CLCN6: variants seen among roughly 807,000 people sequenced by gnomAD.
CLCN6 encodes the protein H(+)/Cl(-) exchange transporter 6.
A neutral mutation model predicts 109.8 loss-of-function variants in CLCN6; 70 were observed. That is an observed-to-expected ratio of 0.64 (90% CI 0.53 to 0.78). The LOEUF (loss-of-function observed/expected upper bound fraction) is 0.78. Among genes scored for constraint, CLCN6 ranks in the 30% least tolerant of loss-of-function variants. The probability of loss-of-function intolerance (pLI) is 0.00; values close to 1 mark genes in which losing one functional copy is unlikely to be tolerated. For synonymous variants in CLCN6, 444 were observed against 447.8 expected (o/e 0.99, Z 0.11); for missense variants, 984 against 1,142.3 (o/e 0.86, Z 2.00).
chr1:11,814,945 A>AT (rs1325241255), intron 2 of CLCN6, among the ~76,000 whole-genome samples: 1 of 151,728 alleles, frequency 6.6e-6, no homozygotes, highest in Non-Finnish European at 1.5e-5. Context: ...AGGCAGGAGA[A>AT]TGGTGTGAAC....
chr1:11,831,171 GT>G (rs548829235), intron 13 of CLCN6, among the ~76,000 whole-genome samples: 757 of 51,666 alleles, frequency 0.015, 8 homozygotes, highest in African/African-American at 0.066. Flanking sequence ...TTTTGTTTTT[GT>G]TTTTGGCAAA....
At chr1:11,830,992 C>T (rs1486880010) in intron 13 of CLCN6, among the ~76,000 whole-genome samples, 2 of 151,534 alleles carry the variant, frequency 1.3e-5, no homozygotes, top group Non-Finnish European at 2.9e-5. Context: ...CACCACCATG[C>T]CCAGCTAATT....
intron 14 of CLCN6, 40 bp from the exon 15 acceptor site, chr1:11,833,837 G>A (rs958894311): frequency 1.3e-6 from 2 of 1,589,240 alleles, no homozygotes; most frequent in Non-Finnish European, 1.7e-6. Context: ...GCCTTGGCAG[G>A]CATCCGGTAG....
rs1162846281 is a variant in CLCN6 at position 11,834,489 on chromosome 1, C to G, written c.1692C>G (p.Ala564=). Residue 564 remains alanine (A), a synonymous_variant, in exon 17 of 23, where the codon GCC becomes GCG. Coordinates refer to ENST00000346436, the MANE Select transcript of CLCN6 (RefSeq NM_001286.5). This position sits in a 1 kb window ranked among gnomAD's most constrained non-coding sequence, Gnocchi z 4.5. ...GLPIMVTLMV[A]KWTGDFFNKG... is the part of the protein sequence containing the mutation. The stretch of plus-strand genomic sequence containing the variant: ...GTCTTTGCTTTGTGTTTCAGGTGGC[C>G]AAATGGACAGGGGACTTTTTCAATA... The G allele has an allele frequency of 3.7e-6, 6 of 1,614,022 alleles. No homozygotes were observed. The African/African-American group carries it at 8.0e-5, about 22-fold the overall frequency.
At chr1:11,816,760 CAT>C in intron 4 of CLCN6, 80 bp downstream of exon 4, 1 of 962,342 alleles carries the variant, frequency 1.0e-6, no homozygotes, top group Non-Finnish European at 1.6e-6. Flanking sequence ...TGGTGAATAA[CAT>C]TGTCATTTGT....
Position 11,806,209 on chromosome 1 carries a change from T to A in CLCN6, c.-54T>A, listed in dbSNP as rs1023238841. The A allele has an allele frequency of 4.4e-6, 6 of 1,378,476 alleles. No homozygotes were observed. Among genetic ancestry groups the A allele is most frequent in the Non-Finnish European group, 5.7e-6 (6 of 1,057,558 alleles). 85.4% of individuals were successfully genotyped at this position (1,378,476 alleles called of 1,614,324 possible). ...CGGGGCCAGTCACGTGAGGCGCAGA[T>A]CCTGGCTGGGAGGGGGTTGGTAGAG... On this transcript the variant is annotated 5_prime_UTR_variant, in exon 1 of 23. Coordinates refer to ENST00000346436, the MANE Select transcript of CLCN6 (RefSeq NM_001286.5).
Position 11,835,027 on chromosome 1 carries a change from CT to C in CLCN6, c.1793+438del, listed in dbSNP as rs894858813. 3.3e-5 allele frequency among the ~76,000 whole-genome samples: 5 copies of C among 152,242 alleles called. No homozygotes were observed. In the South Asian group the frequency reaches 6.2e-4, roughly 19 times the overall value. ...AACCCACCTGCTAATCCACAGGTAC[CT>C]GGGCTTCCTGTGTCTAGATAGCAGG... On this transcript the variant is annotated intron_variant, in intron 17 of 22. Transcript: ENST00000346436.
At chr1:11,808,269 G>GTGTT (rs1553189302) in intron 2 of CLCN6, among the ~76,000 whole-genome samples, 1 of 129,766 alleles carries the variant, frequency 7.7e-6, no homozygotes, top group Non-Finnish European at 1.7e-5. Flanking sequence ...GTGTGTGTGT[G>GTGTT]TTTTAAAGTA....
At chr1:11,811,671 T>C (rs116422234) in intron 2 of CLCN6, among the ~76,000 whole-genome samples, 15,046 of 152,186 alleles carry the variant, frequency 0.099, 797 homozygotes, top group South Asian at 0.16. Flanking sequence ...CGTGAGCCAC[T>C]GCGCCCAGCT....
At chr1:11,816,497 C>A in intron 3 of CLCN6, 118 bp from the exon 4 acceptor site, 1 of 901,332 alleles carries the variant, frequency 1.1e-6, no homozygotes, top group Non-Finnish European at 1.8e-6. Flanking sequence ...CCAACATCAT[C>A]TTTACTGTGC....
Position 11,816,671 on chromosome 1 carries a change from C to T in CLCN6, c.270C>T (p.Cys90=), listed in dbSNP as rs755598290. ...KWMVVFAIGV[C]TGLVGLFVDF... ...TGGTGGTGTTTGCCATTGGAGTCTG[C>T]ACTGGCCTGGTGAGGAGGCAGGGCC... The change falls in exon 4 of 23, where the codon TGC becomes TGT. Residue 90 remains cysteine, a synonymous_variant. Transcript: ENST00000346436. 30 of 1,612,392 alleles carry T rather than the reference C, an allele frequency of 1.9e-5. No individual in the cohort carries two copies. Among genetic ancestry groups the T allele is most frequent in the Non-Finnish European group, 2.5e-5 (30 of 1,179,290 alleles).
At chr1:11,832,010 A>G (rs1352451186) in intron 13 of CLCN6, among the ~76,000 whole-genome samples, 2 of 152,228 alleles carry the variant, frequency 1.3e-5, no homozygotes, top group Admixed American at 6.5e-5. Flanking sequence ...CCTTATTCCC[A>G]TAAGTGTTAT....
chr1:11,830,736 A>ATT lies in CLCN6; in HGVS notation c.1248+1415_1248+1416dup, dbSNP rs55996449. On this transcript the variant is annotated intron_variant, in intron 13 of 22. Transcript: ENST00000346436. ...TCAGTGTCCCCAGTTATATGTATAT[A>ATT]TTATATATATATATATATATATATA... Among the ~76,000 whole-genome samples the ATT allele has an allele frequency of 4.8e-3, 481 of 100,010 alleles. 13 individuals are homozygous for ATT. The highest frequency in any genetic ancestry group is 0.022 in the African/African-American group (432 of 19,434). 65.6% of individuals were successfully genotyped at this position (100,010 alleles called of 152,430 possible).
chr1:11,823,617 G>A lies in CLCN6; in HGVS notation c.454-90G>A, dbSNP rs1644773680. ...CTCACGCTGCTAATGAAGGTGGCCAGCTCTCCCTCTTCCGCCGCCCAGATT... is the reference window on the plus strand; with the variant it reads ...CTCACGCTGCTAATGAAGGTGGCCAACTCTCCCTCTTCCGCCGCCCAGATT... On this transcript the variant is annotated intron_variant, in intron 6 of 22. Coordinates refer to ENST00000346436, the MANE Select transcript of CLCN6 (RefSeq NM_001286.5). 4 of 1,569,226 alleles carry A rather than the reference G, an allele frequency of 2.5e-6. No individual in the cohort carries two copies. The Admixed American group carries it at 6.8e-5, about 27-fold the overall frequency.
At chr1:11,809,465 T>C (rs557683903) in intron 2 of CLCN6, among the ~76,000 whole-genome samples, 53 of 152,264 alleles carry the variant, frequency 3.5e-4, no homozygotes, top group Non-Finnish European at 7.4e-4. Context: ...GTTCTTGTCA[T>C]TGTTTGAGAC....
Position 11,830,783 on chromosome 1 carries a change from TACACACAC to T in CLCN6, c.1248+1485_1248+1492del, listed in dbSNP as rs71585869. On this transcript the variant is annotated intron_variant, in intron 13 of 22. Transcript: ENST00000346436. ...TATATATACACACACACACTATATA[TACACACAC>T]ACACACACACACACACACACACAAA... 1.1e-3 allele frequency among the ~76,000 whole-genome samples: 155 copies of T among 137,838 alleles called. 2 individuals carry two copies. The highest frequency in any genetic ancestry group is 1.6e-3 in the Non-Finnish European group (107 of 65,592). The allele number at this position is 137,838 out of a possible 152,430, so 90.4% of individuals were successfully genotyped here.
rs1644751125 is a variant in CLCN6 at position 11,822,076 on chromosome 1, CTGTT to C, written c.347-617_347-614del. On this transcript the variant is annotated intron_variant, in intron 5 of 22. Coordinates refer to ENST00000346436, the MANE Select transcript of CLCN6 (RefSeq NM_001286.5). ...CTCCCAGGGGAGAGAGGAAGGAAAA[CTGTT>C]TTTTTTTTTGTTTTGTTTTGTTTCT... 4.8e-5 allele frequency among the ~76,000 whole-genome samples: 7 copies of C among 146,364 alleles called. No homozygotes were observed. In the South Asian group the frequency reaches 1.3e-3, roughly 28 times the overall value.
At position 11,816,621 on chromosome 1, in the gene CLCN6, C is replaced by A. The variant is rs1294959136; in HGVS notation, c.220C>A (p.Arg74=). 3 of 1,612,406 alleles carry A rather than the reference C, an allele frequency of 1.9e-6. No individual in the cohort carries two copies. In the South Asian group the frequency reaches 3.3e-5, roughly 18 times the overall value. ...TCTTTTCCTGTGTGAACAGAAAGGTCGAAGATATGAGGCGGTGAAGTGGAT... is the reference window on the plus strand; with the variant it reads ...TCTTTTCCTGTGTGAACAGAAAGGTAGAAGATATGAGGCGGTGAAGTGGAT... ...VLETMDNKKG[R]RYEAVKWMVV... is the part of the protein sequence containing the mutation. Residue 74 remains arginine (R), a synonymous_variant, in exon 4 of 23, where the codon CGA becomes AGA. Transcript: ENST00000346436.
At chr1:11,825,941 T>TC (rs1322406200) in intron 8 of CLCN6, among the ~76,000 whole-genome samples, 2 of 152,188 alleles carry the variant, frequency 1.3e-5, no homozygotes, top group Non-Finnish European at 2.9e-5. Flanking sequence ...CCTCCTTTTT[T>TC]CCCAAGTTGC....
Sources: allele counts gnomAD v4.1 joint callset (sites outside exome capture counted in the v4.1 genomes callset), GRCh38; gene constraint gnomAD v4.1.1; non-coding constraint Gnocchi (gnomAD v3.1); transcripts MANE v1.5; gene names NCBI Gene and HGNC (gene_info 2026-07-23, HGNC 2026-07-21).